The following EVA1B variants were observed in gnomAD, a reference collection of about 807,000 sequenced individuals.
The protein encoded by EVA1B is protein eva-1 homolog B.
In EVA1B, 2 loss-of-function variants were observed where a neutral mutation model predicts 4.6. The observed-to-expected ratio is 0.43, with a 90% confidence interval of 0.18 to 1.37. The LOEUF (loss-of-function observed/expected upper bound fraction) is 1.37. Among genes scored for constraint, EVA1B ranks in the 40% most tolerant of loss-of-function variants. The pLI is 0.28. For synonymous variants in EVA1B, 124 were observed against 115.8 expected (o/e 1.07, Z -0.46); for missense variants, 263 against 240.4 (o/e 1.09, Z -0.62).
In EVA1B at chr1:36,322,971, C is replaced by T; in HGVS notation, c.67G>A (p.Ala23Thr). 2 of 1,605,642 alleles carry T rather than the reference C, an allele frequency of 1.2e-6. No homozygotes were observed. Among genetic ancestry groups the T allele is most frequent in the Non-Finnish European group, 1.7e-6 (2 of 1,177,010 alleles). Residue 23 changes from alanine to threonine, a missense_variant and splice_region_variant, in exon 2 of 3, where the codon GCC (alanine) becomes ACC (threonine). Ala to Thr is a moderately conservative substitution (Grantham distance 58). Transcript: ENST00000490466. ...NSLAAYAHIRANPESFGLYFV... is the reference protein window; with the variant it reads ...NSLAAYAHIRTNPESFGLYFV... ...CCAGTCTTCCGGCGCCCGCCCTCAC[C>T]GCGGATGTGCGCGTAGGCAGCCAGG...
intron 2 of EVA1B, 89 bp downstream of exon 2, chr1:36,322,882 G>A (rs1646491738): frequency 3.9e-6 from 6 of 1,550,202 alleles, no homozygotes; most frequent in South Asian, 2.3e-5. Context: ...GGGGAGCGGG[G>A]CGGAGGGGAC....
intron 1 of EVA1B, 48 bp from the exon 2 acceptor site, chr1:36,323,115 C>A: frequency 1.4e-6 from 2 of 1,479,076 alleles, no homozygotes; most frequent in Non-Finnish European, 1.8e-6. Context: ...GGAGCCCACC[C>A]CGACCCCTTC....
rs1202001077 is a variant in EVA1B, at chr1:36,322,468, T to A, written c.325A>T (p.Asn109Tyr). 14 of 1,604,598 alleles carry A rather than the reference T, an allele frequency of 8.7e-6. No individual in the cohort carries two copies. Among genetic ancestry groups the A allele is most frequent in the Non-Finnish European group, 1.1e-5 (13 of 1,179,264 alleles). Residue 109 changes from asparagine (N) to tyrosine (Y), a missense_variant, in exon 3 of 3, where the codon AAC (asparagine) becomes TAC (tyrosine). Physicochemically the swap from Asn to Tyr is moderately radical, Grantham distance 143. Transcript: ENST00000490466. ...TCCGCCGACGTGAAGACGTTGACGTTGAGGGGCCCGTCCGGCTCTGCGGAC... is the reference window on the plus strand; with the variant it reads ...TCCGCCGACGTGAAGACGTTGACGTAGAGGGGCCCGTCCGGCTCTGCGGAC... Reference protein sequence around the residue: ...ELSAEPDGPLNVNVFTSAEEL... With the variant: ...ELSAEPDGPLYVNVFTSAEEL...
At position 36,322,624 on chromosome 1, in the gene EVA1B, G is replaced by A. The variant is rs1443032471; in HGVS notation, c.169C>T (p.Pro57Ser). ...LVISISWAPR[P>S]RPRGPAQRRD... ...CGCTGAGCCGGGCCCCGGGGCCGCG[G>A]GCGGGGCGCCCACGAGATGCTGATG... The change falls in exon 3 of 3, where the codon CCG (proline) becomes TCG (serine). Residue 57 changes from proline to serine, a missense_variant. By Grantham distance (74) the Pro-to-Ser change is moderately conservative. Coordinates refer to ENST00000490466, the MANE Select transcript of EVA1B (RefSeq NM_001304762.2). 5 of 1,546,190 alleles carry A rather than the reference G, an allele frequency of 3.2e-6. No homozygotes were observed. The highest frequency in any genetic ancestry group is 4.4e-6 in the Non-Finnish European group (5 of 1,147,832).
At position 36,323,040 on chromosome 1, in the gene EVA1B, T is replaced by C; in HGVS notation, c.-3A>G. ...ATGTCCCTTCGCGGGGCATCCATGC[T>C]GCTCTGGGGGGCAGCTCCCCTACCA... is the stretch of plus-strand genomic sequence containing the variant. On this transcript the variant is annotated 5_prime_UTR_variant, in exon 2 of 3. Transcript: ENST00000490466. The C allele has an allele frequency of 6.3e-7, 1 of 1,599,498 alleles. No homozygotes were observed. Among genetic ancestry groups the C allele is most frequent in the Non-Finnish European group, 8.5e-7 (1 of 1,175,822 alleles).
Position 36,322,320 on chromosome 1 carries a change from G to T in EVA1B, c.473C>A (p.Thr158Asn). ...TLGPSPTATG[T>N]LGRMHYY ...TCAGTAATAGTGCATGCGGCCCAGG[G>T]TGCCCGTGGCCGTGGGGCTGGGCCC... The change falls in exon 3 of 3, where the codon ACC becomes AAC. Residue 158 changes from threonine (T) to asparagine (N), a missense_variant. Physicochemically the swap from Thr to Asn is moderately conservative, Grantham distance 65. Transcript: ENST00000490466. 6.4e-7 allele frequency: 1 copy of T among 1,557,432 alleles called. No individual in the cohort carries two copies.
rs778420180 is a variant in EVA1B at position 36,322,437 on chromosome 1, A to G, written c.356T>C (p.Leu119Pro). Residue 119 changes from leucine to proline, a missense_variant, in exon 3 of 3, where the codon CTG (leucine) becomes CCG (proline). Transcript: ENST00000490466. ...NVNVFTSAEE[L>P]ERAQRLEERE... Reference sequence around the variant, plus strand: ...CTCCTCCAGCCGCTGCGCCCGCTCCAGCTCCTCCGCCGACGTGAAGACGTT... The same window carrying G: ...CTCCTCCAGCCGCTGCGCCCGCTCCGGCTCCTCCGCCGACGTGAAGACGTT... 2 of 1,603,954 alleles carry G rather than the reference A, an allele frequency of 1.2e-6. No homozygotes were observed. Among genetic ancestry groups the G allele is most frequent in the Admixed American group, 1.7e-5 (1 of 59,936 alleles).
At position 36,322,619 on chromosome 1, in the gene EVA1B, C is replaced by T. The variant is rs1327068266; in HGVS notation, c.174G>A (p.Arg58=). The change falls in exon 3 of 3, where the codon CGG becomes CGA. Residue 58 remains arginine (R), a synonymous_variant. Transcript: ENST00000490466. ...CCCGGCGCTGAGCCGGGCCCCGGGG[C>T]CGCGGGCGGGGCGCCCACGAGATGC... is the stretch of plus-strand genomic sequence containing the variant. ...VISISWAPRP[R]PRGPAQRRDP... 4 of 1,547,040 alleles carry T rather than the reference C, an allele frequency of 2.6e-6. No homozygotes were observed. The African/African-American group carries it at 4.1e-5, about 16-fold the overall frequency.
chr1:36,322,576 G>C lies in EVA1B; in HGVS notation c.217C>G (p.Leu73Val), dbSNP rs1214199712. The C allele has an allele frequency of 1.3e-6, 2 of 1,582,174 alleles. No homozygotes were observed. The highest frequency in any genetic ancestry group is 2.3e-5 in the South Asian group (2 of 88,798). Residue 73 changes from leucine (L) to valine (V), a missense_variant, in exon 3 of 3, where the codon CTG (leucine) becomes GTG (valine). Physicochemically the swap from Leu to Val is conservative, Grantham distance 32. Coordinates refer to ENST00000490466, the MANE Select transcript of EVA1B (RefSeq NM_001304762.2). ...TCCTCGTCGTCGTCCTCGGGCTCCA[G>C]GGTGCTGCTGCGGGGGTCCCGGCGC... ...AQRRDPRSST[L>V]EPEDDDEDEE... is the part of the protein sequence containing the mutation.
intron 1 of EVA1B, 124 bp from the exon 2 acceptor site, chr1:36,323,191 C>T: frequency 1.3e-6 from 1 of 794,916 alleles, no homozygotes; most frequent in Non-Finnish European, 1.9e-6. Flanking sequence ...GCTTCCCTAA[C>T]TTCGTGGCGG....
rs1245702541 is a variant in EVA1B at position 36,322,643 on chromosome 1, G to A, written c.150C>T (p.Ser50=). 3.9e-6 allele frequency: 6 copies of A among 1,546,304 alleles called. No homozygotes were observed. The highest frequency in any genetic ancestry group is 5.2e-6 in the Non-Finnish European group (6 of 1,146,986). Residue 50 remains serine (S), a synonymous_variant, in exon 3 of 3, where the codon AGC becomes AGT. Coordinates refer to ENST00000490466, the MANE Select transcript of EVA1B (RefSeq NM_001304762.2). ...GCCGCGGGCGGGGCGCCCACGAGAT[G>A]CTGATGACGAGCAGGCAGAGGGTGA... ...LLLTLCLLVI[S]ISWAPRPRPR...
intron 2 of EVA1B, 89 bp from the exon 3 acceptor site, chr1:36,322,814 G>A (rs1646490608): frequency 3.4e-6 from 5 of 1,487,298 alleles, no homozygotes; most frequent in South Asian, 1.2e-5. Flanking sequence ...AGGTGTGGGG[G>A]CGAGGCCTGT....
Position 36,322,174 on chromosome 1 carries a change from G to T in EVA1B, c.*121C>A. The T allele has an allele frequency of 7.4e-7, 1 of 1,352,280 alleles. No homozygotes were observed. The highest frequency in any genetic ancestry group is 1.5e-5 in the African/African-American group (1 of 64,900). 83.8% of individuals were successfully genotyped at this position (1,352,280 alleles called of 1,614,324 possible). A position where few individuals can be genotyped will look rare whatever the true frequency, so the allele number is the denominator to read the frequency against. Reference sequence around the variant, plus strand: ...GGAAGGGAGCCTCTCAGGGGGTGGCGGTCCACGCCCAGTAGCACCTGGGAG... The same window carrying T: ...GGAAGGGAGCCTCTCAGGGGGTGGCTGTCCACGCCCAGTAGCACCTGGGAG... On this transcript the variant is annotated 3_prime_UTR_variant, in exon 3 of 3. Transcript: ENST00000490466.
intron 2 of EVA1B, 32 bp from the exon 3 acceptor site, chr1:36,322,757 G>GT: frequency 6.5e-7 from 1 of 1,537,318 alleles, no homozygotes; most frequent in Non-Finnish European, 8.8e-7. Flanking sequence ...TCACGGAGAG[G>GT]CCCGGACGGG....
At chr1:36,323,707 G>A (rs1159818685), upstream of EVA1B, 1 of 152,102 alleles carries the variant, frequency 6.6e-6, no homozygotes, top group Admixed American at 6.5e-5. Context: ...GGAGAGGAAG[G>A]GGAGAGGAGC....
Position 36,322,459 on chromosome 1 carries a change from C to A in EVA1B, c.334G>T (p.Val112Phe). The A allele has an allele frequency of 6.2e-7, 1 of 1,604,848 alleles. No homozygotes were observed. The change falls in exon 3 of 3, where the codon GTC (valine) becomes TTC (phenylalanine). Residue 112 changes from valine (V) to phenylalanine (F), a missense_variant. Val to Phe is a conservative substitution (Grantham distance 50). Coordinates refer to ENST00000490466, the MANE Select transcript of EVA1B (RefSeq NM_001304762.2). ...AEPDGPLNVN[V>F]FTSAEELERA... ...TCCAGCTCCTCCGCCGACGTGAAGACGTTGACGTTGAGGGGCCCGTCCGGC... is the reference window on the plus strand; with the variant it reads ...TCCAGCTCCTCCGCCGACGTGAAGAAGTTGACGTTGAGGGGCCCGTCCGGC...
At position 36,323,061 on chromosome 1, in the gene EVA1B, T is replaced by C. The variant is rs749410931; in HGVS notation, c.-24A>G. 6.3e-6 allele frequency: 10 copies of C among 1,593,664 alleles called. No individual in the cohort carries two copies. The East Asian group carries it at 1.4e-4, about 22-fold the overall frequency. ...ATGCTGCTCTGGGGGGCAGCTCCCC[T>C]ACCAGCCTGCGAGGTCAGCAAAGTC... On this transcript the variant is annotated 5_prime_UTR_variant, in exon 2 of 3. Coordinates refer to ENST00000490466, the MANE Select transcript of EVA1B (RefSeq NM_001304762.2).
At position 36,322,549 on chromosome 1, in the gene EVA1B, C is replaced by T. The variant is rs1303667758; in HGVS notation, c.244G>A (p.Glu82Lys). 9 of 1,596,082 alleles carry T rather than the reference C, an allele frequency of 5.6e-6. No individual in the cohort carries two copies. In the South Asian group the frequency reaches 1.0e-4, roughly 18 times the overall value. ...CCCAGCCGAGTCACCGTGTCCTCCT[C>T]GTCCTCGTCGTCGTCCTCGGGCTCC... Reference protein sequence around the residue: ...TLEPEDDDEDEEDTVTRLGPD... With the variant: ...TLEPEDDDEDKEDTVTRLGPD... The change falls in exon 3 of 3, where the codon GAG becomes AAG. Residue 82 changes from glutamate (E) to lysine (K), a missense_variant. By Grantham distance (56) the Glu-to-Lys change is moderately conservative (BLOSUM62 1). Transcript: ENST00000490466.
chr1:36,322,109 C>T lies in EVA1B; in HGVS notation c.*186G>A. 2.2e-6 allele frequency: 3 copies of T among 1,354,658 alleles called. No homozygotes were observed. Among genetic ancestry groups the T allele is most frequent in the Non-Finnish European group, 2.9e-6 (3 of 1,051,306 alleles). The allele number at this position is 1,354,658 out of a possible 1,614,324, so 83.9% of individuals were successfully genotyped here. On this transcript the variant is annotated 3_prime_UTR_variant, in exon 3 of 3. Transcript: ENST00000490466. The stretch of plus-strand genomic sequence containing the variant: ...AGAGAGGGAGTGGGGACCCTGCATG[C>T]TGCCCCCTCCCCGCCCCCGGGGTCT...
Sources: allele counts gnomAD v4.1 joint callset, GRCh38; gene constraint gnomAD v4.1.1; transcripts MANE v1.5; gene names NCBI Gene and HGNC (gene_info 2026-07-23, HGNC 2026-07-21).